SUGCT: variants seen among roughly 807,000 people sequenced by gnomAD.
SUGCT encodes the protein succinyl-CoA:glutarate CoA-transferase.
A neutral mutation model predicts 55.0 loss-of-function variants in SUGCT; 41 were observed. The ratio of observed to expected loss-of-function variants is 0.74; its 90% CI spans 0.58 to 0.97. The LOEUF (loss-of-function observed/expected upper bound fraction) is 0.97, where lower values mean the gene tolerates loss of function less well. Among genes scored for constraint, SUGCT ranks in the 50% least tolerant of loss-of-function variants. SUGCT has a pLI of 0.00. For missense variants in SUGCT, 568 were observed against 547.8 expected, an observed-to-expected ratio of 1.04 and a Z score of -0.37; for synonymous variants, 187 against 200.4, an observed-to-expected ratio of 0.93 and a Z score of 0.56.
At chr7:40,462,699 G>T (rs573002526) in intron 11 of SUGCT, among the ~76,000 whole-genome samples, 1 of 152,216 alleles carries the variant, frequency 6.6e-6, no homozygotes, top group African/African-American at 2.4e-5. Flanking sequence ...TATGTGCCAT[G>T]AACTGTTCTG....
chr7:40,245,813 A>G (rs148133761), intron 7 of SUGCT, among the ~76,000 whole-genome samples: 2,273 of 151,888 alleles, frequency 0.015, 51 homozygotes, highest in African/African-American at 0.052. Context: ...CATCAGGATA[A>G]ATGGGGTATC....
intron 12 of SUGCT, among the ~76,000 whole-genome samples, chr7:40,650,910 C>T (rs1381808935): frequency 6.6e-6 from 1 of 152,112 alleles, no homozygotes; most frequent in Admixed American, 6.5e-5. Flanking sequence ...TGTTGTTCCC[C>T]TCCCTGTGTC....
intron 6 of SUGCT, among the ~76,000 whole-genome samples, chr7:40,204,218 T>C (rs1786803923): frequency 6.6e-6 from 1 of 152,086 alleles, no homozygotes; most frequent in Admixed American, 6.6e-5. Context: ...CTCAAACTCC[T>C]GGCCTCAAGT....
intron 13 of SUGCT, among the ~76,000 whole-genome samples, chr7:40,800,820 T>C (rs1232886712): frequency 6.6e-6 from 1 of 152,198 alleles, no homozygotes; most frequent in Non-Finnish European, 1.5e-5. Context: ...ACTTCAGGCA[T>C]TATTTTAAAC....
intron 9 of SUGCT, among the ~76,000 whole-genome samples, chr7:40,402,470 T>C (rs1786128573): frequency 6.6e-6 from 1 of 152,204 alleles, no homozygotes; most frequent in Non-Finnish European, 1.5e-5. Context: ...AAAGATTTTC[T>C]TTTTCTTTTC....
chr7:40,600,951 G>A (rs1798266070), intron 12 of SUGCT, among the ~76,000 whole-genome samples: 1 of 151,942 alleles, frequency 6.6e-6, no homozygotes, highest in Admixed American at 6.5e-5. Context: ...ATAGTTTTTG[G>A]TCAAAACATG....
chr7:41,004,803 GGA>G, the SUGCT span, among the ~76,000 whole-genome samples: 1 of 55,678 alleles, frequency 1.8e-5, no homozygotes, highest in Non-Finnish European at 5.8e-5. Flanking sequence ...TTACCCTTGT[GGA>G]AAAAAAAAAA....
chr7:40,845,055 T>G (rs1184757801), intron 13 of SUGCT, among the ~76,000 whole-genome samples: 6 of 95,108 alleles, frequency 6.3e-5, no homozygotes, highest in Non-Finnish European at 1.2e-4. Context: ...TTTTTGGTGG[T>G]TTATTTTTTA....
chr7:40,512,970 A>G (rs1385211955), intron 12 of SUGCT, among the ~76,000 whole-genome samples: 2 of 152,206 alleles, frequency 1.3e-5, no homozygotes, highest in Non-Finnish European at 2.9e-5. Context: ...TCATACCAGC[A>G]GGAGAGGATT....
At chr7:40,252,704 G>A (rs964293809) in intron 7 of SUGCT, among the ~76,000 whole-genome samples, 3 of 151,914 alleles carry the variant, frequency 2.0e-5, no homozygotes, top group Admixed American at 1.3e-4. Flanking sequence ...CTGGAGTGCA[G>A]TGGTGCAGTC....
rs557959709 is a variant in SUGCT, at chr7:40,223,685, C to G, written c.485-13950C>G. 1.4e-4 allele frequency among the ~76,000 whole-genome samples: 21 copies of G among 152,298 alleles called. No individual in the cohort carries two copies. The South Asian group carries it at 4.4e-3, about 32-fold the overall frequency. ...CACTTTTGAAAAGACTTTAATTGCT[C>G]TCACTTTGGGCAGTTCAAAGGTTAC... On this transcript the variant is annotated intron_variant, in intron 6 of 13. Coordinates refer to ENST00000335693, the MANE Select transcript of SUGCT (RefSeq NM_001193313.2).
chr7:40,925,525 G>A, the SUGCT span, among the ~76,000 whole-genome samples: 1 of 152,142 alleles, frequency 6.6e-6, no homozygotes, highest in African/African-American at 2.4e-5. Context: ...TTAATTTTAA[G>A]TGGTATTATT....
At chr7:40,565,509 G>A (rs1017802867) in intron 12 of SUGCT, among the ~76,000 whole-genome samples, 5 of 152,042 alleles carry the variant, frequency 3.3e-5, no homozygotes, top group Admixed American at 6.5e-5. Context: ...ATTGCACATC[G>A]TTTATATACT....
At chr7:40,342,277 G>T (rs1351870398) in intron 9 of SUGCT, among the ~76,000 whole-genome samples, 1 of 152,152 alleles carries the variant, frequency 6.6e-6, no homozygotes. Context: ...GACGAAAGGG[G>T]ACTTGAGAGA....
intron 9 of SUGCT, among the ~76,000 whole-genome samples, chr7:40,335,910 G>C (rs1796669256): frequency 6.6e-6 from 1 of 152,096 alleles, no homozygotes; most frequent in African/African-American, 2.4e-5. Flanking sequence ...TTATTATTTT[G>C]AGATACATCC....
chr7:40,487,018 A>G (rs922786911), intron 11 of SUGCT, among the ~76,000 whole-genome samples: 5 of 145,350 alleles, frequency 3.4e-5, no homozygotes, highest in Non-Finnish European at 1.5e-5. Context: ...AGTTTCCGCT[A>G]TTACTGATAT....
intron 12 of SUGCT, among the ~76,000 whole-genome samples, chr7:40,632,863 T>C (rs1799849591): frequency 6.6e-6 from 1 of 152,162 alleles, no homozygotes; most frequent in Admixed American, 6.5e-5. Context: ...GTCACTAGGG[T>C]TGCCTAAATT....
At chr7:40,837,178 T>C (rs1045194884) in intron 13 of SUGCT, among the ~76,000 whole-genome samples, 3 of 152,214 alleles carry the variant, frequency 2.0e-5, no homozygotes, top group African/African-American at 7.2e-5. Context: ...TTATAATTCC[T>C]GAATGGCTAA....
intron 9 of SUGCT, among the ~76,000 whole-genome samples, chr7:40,336,663 C>T (rs1178607946): frequency 3.9e-5 from 6 of 152,022 alleles, no homozygotes; most frequent in Admixed American, 6.6e-5. Context: ...GTCTTGCTAG[C>T]GGTCTGTCAA....
Sources: allele counts gnomAD v4.1 joint callset (sites outside exome capture counted in the v4.1 genomes callset), GRCh38; gene constraint gnomAD v4.1.1; transcripts MANE v1.5; gene names NCBI Gene and HGNC (gene_info 2026-07-23, HGNC 2026-07-21).